TIAM1: variants seen among roughly 807,000 people sequenced by gnomAD.
The protein encoded by TIAM1 is rho guanine nucleotide exchange factor TIAM1.
In TIAM1, 65 loss-of-function variants were observed where a neutral mutation model predicts 163.5. The observed-to-expected ratio is 0.40, with a 90% CI of 0.33 to 0.49. The LOEUF (loss-of-function observed/expected upper bound fraction) is 0.49, where lower values mean the gene tolerates loss of function less well. TIAM1 is among the 20% of genes least tolerant of loss of function. The pLI is 0.77. For synonymous variants in TIAM1, 833 were observed against 810.1 expected (o/e 1.03, Z -0.48); for missense variants, 1,789 against 2,044.7 (o/e 0.87, Z 2.41).
chr21:31,313,244 T>A (rs750435131), intron 2 of TIAM1, among the ~76,000 whole-genome samples: 6 of 152,250 alleles, frequency 3.9e-5, no homozygotes, highest in Non-Finnish European at 7.3e-5. Context: ...TTCAGTATGT[T>A]TCTTTCCTTA....
intron 14 of TIAM1, among the ~76,000 whole-genome samples, chr21:31,185,267 T>A (rs1441576235): frequency 2.0e-5 from 3 of 151,356 alleles, no homozygotes; most frequent in Non-Finnish European, 2.9e-5. Context: ...TCGAATAGAG[T>A]CCCTGTCCAC....
chr21:31,447,365 G>A (rs188783994), intron 2 of TIAM1, among the ~76,000 whole-genome samples: 1 of 152,176 alleles, frequency 6.6e-6, no homozygotes, highest in East Asian at 1.9e-4. Flanking sequence ...GAGCATAGGA[G>A]GTCAAGCCTG....
intron 1 of TIAM1, among the ~76,000 whole-genome samples, chr21:31,479,655 T>A (rs1425224609): frequency 6.6e-6 from 1 of 152,142 alleles, no homozygotes; most frequent in East Asian, 1.9e-4. Flanking sequence ...GCCTCTTTAT[T>A]CACCTTGGGA....
intron 1 of TIAM1, among the ~76,000 whole-genome samples, chr21:31,505,345 A>T (rs1479381934): frequency 2.0e-5 from 3 of 152,266 alleles, no homozygotes; most frequent in African/African-American, 7.2e-5. Flanking sequence ...ACCAAGAAGT[A>T]TAAATGTTAA....
At chr21:31,199,493 G>A (rs1216770776) in intron 12 of TIAM1, among the ~76,000 whole-genome samples, 1 of 147,746 alleles carries the variant, frequency 6.8e-6, no homozygotes, top group Admixed American at 6.8e-5. Flanking sequence ...CCCTCCCCCT[G>A]CCCAGGCCTT....
intron 2 of TIAM1, among the ~76,000 whole-genome samples, chr21:31,291,212 C>A (rs750790161): frequency 1.7e-4 from 26 of 152,014 alleles, no homozygotes; most frequent in Non-Finnish European, 3.7e-4. Flanking sequence ...GGTAAGAAGC[C>A]AAGAAATTTC....
intron 2 of TIAM1, among the ~76,000 whole-genome samples, chr21:31,378,459 A>C (rs2076726153): frequency 6.6e-6 from 1 of 152,146 alleles, no homozygotes; most frequent in Non-Finnish European, 1.5e-5. Flanking sequence ...TACCTTGCCA[A>C]TTTCTATTAA....
In TIAM1 at chr21:31,127,045, C is replaced by G; in HGVS notation, c.4133+20G>C. On this transcript the variant is annotated intron_variant, in intron 26 of 27. Coordinates refer to ENST00000541036, the MANE Select transcript of TIAM1 (RefSeq NM_001353694.2). ...TGCAGAAATGTCAACACGGCCTCGA[C>G]TTTACAGGCCCAGGCTCACCTGCAG... 5 of 1,613,354 alleles carry G rather than the reference C, an allele frequency of 3.1e-6. No homozygotes were observed. The highest frequency in any genetic ancestry group is 4.2e-6 in the Non-Finnish European group (5 of 1,179,408).
intron 6 of TIAM1, among the ~76,000 whole-genome samples, chr21:31,244,748 A>T (rs2071405913): frequency 6.6e-6 from 1 of 152,222 alleles, no homozygotes; most frequent in African/African-American, 2.4e-5. Flanking sequence ...GAACTGTCAA[A>T]ATCTTCTTAG....
intron 2 of TIAM1, among the ~76,000 whole-genome samples, chr21:31,402,372 AAAGT>A (rs1569300269): frequency 6.6e-6 from 1 of 152,272 alleles, no homozygotes; most frequent in African/African-American, 2.4e-5. Flanking sequence ...ACCAACCAAG[AAAGT>A]CAGTCTGCAA....
In TIAM1 at chr21:31,281,680, GTGGA is replaced by G. The variant is rs546267553; in HGVS notation, c.-188-4776_-188-4773del. Reference sequence around the variant, plus strand: ...GATGGGTAGATGAATGGACAGATAAGTGGATGGATGGATGGATGGATGGATGGAT... The same window carrying G: ...GATGGGTAGATGAATGGACAGATAAGTGGATGGATGGATGGATGGATGGAT... On this transcript the variant is annotated intron_variant, in intron 2 of 27. Coordinates refer to ENST00000541036, the MANE Select transcript of TIAM1 (RefSeq NM_001353694.2). 3.9e-3 allele frequency among the ~76,000 whole-genome samples: 599 copies of G among 152,154 alleles called. 6 individuals carry two copies. The highest frequency in any genetic ancestry group is 0.013 in the African/African-American group (552 of 41,506).
intron 2 of TIAM1, among the ~76,000 whole-genome samples, chr21:31,353,833 A>ATATTTTTT (rs2076272701): frequency 2.6e-5 from 1 of 38,084 alleles, no homozygotes; most frequent in Non-Finnish European, 5.4e-5. Flanking sequence ...TTATTTATTT[A>ATATTTTTT]TCTTTTTTTT....
At chr21:31,470,615 G>A (rs999928862) in intron 1 of TIAM1, among the ~76,000 whole-genome samples, 1 of 152,162 alleles carries the variant, frequency 6.6e-6, no homozygotes, top group Admixed American at 6.6e-5. Context: ...TTACAGGTGT[G>A]AGCCACCACA....
chr21:31,261,919 C>A (rs1436394500), intron 4 of TIAM1, among the ~76,000 whole-genome samples: 1 of 152,146 alleles, frequency 6.6e-6, no homozygotes, highest in Non-Finnish European at 1.5e-5. Context: ...CTCAGTACAA[C>A]CTGGCCGTGT....
chr21:31,484,721 C>T (rs2046218481), intron 1 of TIAM1, among the ~76,000 whole-genome samples: 1 of 152,188 alleles, frequency 6.6e-6, no homozygotes, highest in Admixed American at 6.5e-5. Flanking sequence ...TGACCCCAGC[C>T]ATGGCCATCT....
intron 2 of TIAM1, among the ~76,000 whole-genome samples, chr21:31,440,662 C>A (rs1017384439): frequency 6.6e-6 from 1 of 152,168 alleles, no homozygotes; most frequent in African/African-American, 2.4e-5. Flanking sequence ...GCAGGCGGAT[C>A]ATGAGGTCAG....
intron 2 of TIAM1, among the ~76,000 whole-genome samples, chr21:31,311,167 GTTTTGT>G (rs2074913559): frequency 9.8e-6 from 1 of 101,772 alleles, no homozygotes; most frequent in South Asian, 3.7e-4. Flanking sequence ...TTGTTTGTTT[GTTTTGT>G]TTTTTTTTTT....
chr21:31,164,115 G>A (rs2084074776), intron 16 of TIAM1, among the ~76,000 whole-genome samples: 1 of 152,232 alleles, frequency 6.6e-6, no homozygotes, highest in African/African-American at 2.4e-5. Context: ...AACAGGCCGG[G>A]TGCAGTGGCT....
At position 31,479,397 on chromosome 21, in the gene TIAM1, ATG is replaced by A. The variant is rs537016404; in HGVS notation, c.-421-15364_-421-15363del. Among the ~76,000 whole-genome samples the A allele has an allele frequency of 2.7e-4, 41 of 151,308 alleles. No individual in the cohort carries two copies. In the East Asian group the frequency reaches 5.4e-3, roughly 20 times the overall value. ...GATGGATGGATGGATGGATGGATGGATGGACGGAGGGGCGGGCGGATGGACGG... is the reference window on the plus strand; with the variant it reads ...GATGGATGGATGGATGGATGGATGGAGACGGAGGGGCGGGCGGATGGACGG... On this transcript the variant is annotated intron_variant, in intron 1 of 28. Coordinates refer to the TIAM1 transcript ENST00000286827.
Sources: gnomAD v4.1 joint callset for allele counts (sites outside exome capture counted in the v4.1 genomes callset) on GRCh38, gnomAD v4.1.1 for gene constraint, MANE v1.5 for transcripts, NCBI Gene and HGNC (gene_info 2026-07-23, HGNC 2026-07-21) for gene names.